The following DPH6 variants were observed in gnomAD, a reference collection of about 807,000 sequenced individuals.
DPH6 encodes the protein diphthine--ammonia ligase.
Under a neutral mutation model 38.2 loss-of-function variants are expected in DPH6, and 33 were observed. That is an observed-to-expected ratio of 0.86 (90% CI 0.65 to 1.15). The LOEUF (loss-of-function observed/expected upper bound fraction) is 1.15. DPH6 is among the 50% of genes most tolerant of loss of function. DPH6 has a pLI of 0.00. For synonymous variants in DPH6, 108 were observed against 103.0 expected (o/e 1.05, Z -0.30); for missense variants, 325 against 320.0 (o/e 1.02, Z -0.12).
chr15:35,148,811 A>G, the DPH6 span, among the ~76,000 whole-genome samples: 1 of 152,222 alleles, frequency 6.6e-6, no homozygotes, highest in Non-Finnish European at 1.5e-5. Context: ...AGAGTAAAAA[A>G]TAATAAATGC....
intron 3 of DPH6, among the ~76,000 whole-genome samples, chr15:35,458,607 G>A (rs1015587192): frequency 6.6e-6 from 1 of 152,174 alleles, no homozygotes; most frequent in African/African-American, 2.4e-5. Context: ...AGCAATGGAA[G>A]TGTCAGCAGA....
chr15:35,527,578 A>G (rs761149156), intron 3 of DPH6, among the ~76,000 whole-genome samples: 40 of 152,268 alleles, frequency 2.6e-4, no homozygotes, highest in Middle Eastern at 3.4e-3. Context: ...TGAGGGTTTA[A>G]GGAAGGAAGA....
At chr15:35,226,728 T>C (rs548685837) in intron 3 of DPH6, among the ~76,000 whole-genome samples, 2 of 152,184 alleles carry the variant, frequency 1.3e-5, no homozygotes, top group Admixed American at 1.3e-4. Context: ...ATTGGAAGAA[T>C]GAATACAGTT....
intron 3 of DPH6, among the ~76,000 whole-genome samples, chr15:35,304,686 C>T (rs1160095823): frequency 6.6e-6 from 1 of 151,778 alleles, no homozygotes; most frequent in African/African-American, 2.4e-5. Flanking sequence ...AGTAAGAGTG[C>T]CTATTTTTAT....
chr15:35,169,641 G>A, the DPH6 span: 2 of 152,248 alleles, frequency 1.3e-5, no homozygotes, highest in South Asian at 4.1e-4. Flanking sequence ...ATCCATGAAG[G>A]AGGCAGGTGA....
intron 5 of DPH6, among the ~76,000 whole-genome samples, chr15:35,424,218 G>A (rs1035752153): frequency 6.6e-6 from 1 of 151,348 alleles, no homozygotes; most frequent in African/African-American, 2.4e-5. Context: ...ATTAATGTTT[G>A]ACTTTTTAAA....
At chr15:35,434,023 C>G (rs1208694231) in intron 5 of DPH6, among the ~76,000 whole-genome samples, 2 of 152,176 alleles carry the variant, frequency 1.3e-5, no homozygotes, top group African/African-American at 4.8e-5. Context: ...TATAAATCAA[C>G]TGTCAGGGTA....
intron 6 of DPH6, among the ~76,000 whole-genome samples, chr15:35,394,526 C>T (rs1478368900): frequency 2.0e-5 from 3 of 152,330 alleles, no homozygotes; most frequent in South Asian, 2.1e-4. Context: ...AAAAACACAA[C>T]TTAATTCTAA....
intron 3 of DPH6, among the ~76,000 whole-genome samples, chr15:35,285,872 G>GTTGTTTTTTTTTTTTTTTTTTTT (rs1555391170): frequency 1.9e-5 from 1 of 52,794 alleles, no homozygotes; most frequent in Non-Finnish European, 3.3e-5. Flanking sequence ...TTATCTTTGA[G>GTTGTTTTTTTTTTTTTTTTTTTT]TTTTTTTTTT....
At chr15:35,491,256 A>C (rs1566929316) in intron 3 of DPH6, among the ~76,000 whole-genome samples, 1 of 152,076 alleles carries the variant, frequency 6.6e-6, no homozygotes, top group Non-Finnish European at 1.5e-5. Context: ...ATAAGGACAA[A>C]AAAGTTAATG....
At chr15:35,398,450 C>T (rs1279160388) in intron 6 of DPH6, among the ~76,000 whole-genome samples, 1 of 152,194 alleles carries the variant, frequency 6.6e-6, no homozygotes, top group African/African-American at 2.4e-5. Context: ...AATGAAGCCT[C>T]CATGAAAACC....
At chr15:35,526,015 C>T (rs1400074891) in intron 3 of DPH6, among the ~76,000 whole-genome samples, 1 of 152,076 alleles carries the variant, frequency 6.6e-6, no homozygotes, top group East Asian at 1.9e-4. Context: ...GTAATTACGT[C>T]CAGGATATAT....
intron 3 of DPH6, among the ~76,000 whole-genome samples, chr15:35,308,373 A>G (rs1196943276): frequency 1.3e-5 from 2 of 152,228 alleles, no homozygotes; most frequent in Non-Finnish European, 2.9e-5. Flanking sequence ...GCAAAATATC[A>G]CATTGTATCT....
intron 3 of DPH6, among the ~76,000 whole-genome samples, chr15:35,362,004 TTA>T (rs2052618316): frequency 6.6e-6 from 1 of 152,036 alleles, no homozygotes; most frequent in African/African-American, 2.4e-5. Flanking sequence ...CCCTGTTTCT[TTA>T]TGTGTCTTAT....
At chr15:35,162,031 T>G in the DPH6 span, among the ~76,000 whole-genome samples, 18 of 151,930 alleles carry the variant, frequency 1.2e-4, no homozygotes, top group Admixed American at 1.2e-3. Flanking sequence ...CCTGCATTCC[T>G]CATCCAAATT....
At chr15:35,236,382 T>C (rs557793431) in intron 3 of DPH6, among the ~76,000 whole-genome samples, 3 of 152,330 alleles carry the variant, frequency 2.0e-5, no homozygotes, top group Admixed American at 6.5e-5. Flanking sequence ...CTCACGCCTG[T>C]AATCCCAGCA....
intron 3 of DPH6, among the ~76,000 whole-genome samples, chr15:35,537,761 C>G (rs936045934): frequency 6.6e-6 from 1 of 152,036 alleles, no homozygotes; most frequent in African/African-American, 2.4e-5. Flanking sequence ...ACAGCTATGC[C>G]CTGCCATCAT....
At position 35,498,698 on chromosome 15, in the gene DPH6, C is replaced by T. The variant is rs191329324; in HGVS notation, c.312+39576G>A. On this transcript the variant is annotated intron_variant, in intron 3 of 8. Coordinates refer to ENST00000256538, the MANE Select transcript of DPH6 (RefSeq NM_080650.4). The stretch of plus-strand genomic sequence containing the variant: ...TATATATTGTAACTTCTTCACAATG[C>T]CAAGTCTAATTACATTTTACCAATC... Among the ~76,000 whole-genome samples the T allele has an allele frequency of 7.2e-5, 11 of 152,200 alleles. No homozygotes were observed. The East Asian group carries it at 2.1e-3, about 29-fold the overall frequency.
At chr15:35,381,373 T>A (rs2052862407) in intron 7 of DPH6, among the ~76,000 whole-genome samples, 1 of 151,974 alleles carries the variant, frequency 6.6e-6, no homozygotes, top group African/African-American at 2.4e-5. Flanking sequence ...TAACCCCAAA[T>A]AACTGAAGAG....
Sources: allele counts gnomAD v4.1 joint callset (sites outside exome capture counted in the v4.1 genomes callset), GRCh38; gene constraint gnomAD v4.1.1; transcripts MANE v1.5; gene names NCBI Gene and HGNC (gene_info 2026-07-23, HGNC 2026-07-21).